The following C9orf153 variants were observed in gnomAD, a reference collection of about 807,000 sequenced individuals.
The protein encoded by C9orf153 is uncharacterized protein C9orf153.
C9orf153 carries 10 observed loss-of-function variants against 9.0 expected under a neutral mutation model. That is an observed-to-expected ratio of 1.11 (90% CI 0.69 to 1.89). C9orf153 has a LOEUF of 1.89. Among genes scored for constraint, C9orf153 ranks in the 40% most tolerant of loss-of-function variants. The pLI is 0.00. For synonymous variants in C9orf153, 35 were observed against 37.3 expected (o/e 0.94, Z 0.23); for missense variants, 108 against 111.0 (o/e 0.97, Z 0.12).
intron 1 of C9orf153, among the ~76,000 whole-genome samples, chr9:86,254,174 A>T (rs1363144774): frequency 6.6e-6 from 1 of 151,856 alleles, no homozygotes; most frequent in Non-Finnish European, 1.5e-5. Context: ...GAAATGGGGA[A>T]CTGCAGAGAG....
In C9orf153 at chr9:86,236,098, T is replaced by C. The variant is rs377239150; in HGVS notation, c.-26-6469A>G. On this transcript the variant is annotated intron_variant, in intron 1 of 3. Transcript: ENST00000339137. ...AAAGAAGCCACAGGAAGATTAAAAGTAATTATTTGCTATAAATAGCAAAGA... is the reference window on the plus strand; with the variant it reads ...AAAGAAGCCACAGGAAGATTAAAAGCAATTATTTGCTATAAATAGCAAAGA... Among the ~76,000 whole-genome samples the C allele has an allele frequency of 3.2e-4, 48 of 152,162 alleles. No homozygotes were observed. The East Asian group carries it at 6.4e-3, about 20-fold the overall frequency.
chr9:86,234,292 T>C (rs1476394524), intron 1 of C9orf153, among the ~76,000 whole-genome samples: 2 of 152,208 alleles, frequency 1.3e-5, no homozygotes, highest in African/African-American at 4.8e-5. Flanking sequence ...AATAAAAACA[T>C]AGTAGAACTG....
intron 1 of C9orf153, among the ~76,000 whole-genome samples, chr9:86,238,948 A>G (rs1319483914): frequency 1.5e-5 from 2 of 137,666 alleles, no homozygotes; most frequent in Non-Finnish European, 3.0e-5. Context: ...CTGTAATATA[A>G]TTCTATTTCT....
chr9:86,252,994 CT>C (rs35571795), intron 1 of C9orf153, among the ~76,000 whole-genome samples: 4,520 of 149,768 alleles, frequency 0.03, 96 homozygotes, highest in South Asian at 0.076. Flanking sequence ...GTTAAGAAAA[CT>C]TTTTTTTTTT....
chr9:86,233,177 A>T (rs762945040), intron 1 of C9orf153, among the ~76,000 whole-genome samples: 6 of 152,050 alleles, frequency 3.9e-5, no homozygotes, highest in Non-Finnish European at 8.8e-5. Context: ...TTTCTTTGCA[A>T]ATATGTAAAA....
chr9:86,255,632 G>T (rs1054541530), intron 1 of C9orf153, among the ~76,000 whole-genome samples: 1 of 152,136 alleles, frequency 6.6e-6, no homozygotes, highest in Non-Finnish European at 1.5e-5. Flanking sequence ...ACCATAACTT[G>T]TTTTGGGCCA....
At chr9:86,257,678 G>C (rs762837840) in intron 1 of C9orf153, among the ~76,000 whole-genome samples, 1 of 152,212 alleles carries the variant, frequency 6.6e-6, no homozygotes, top group East Asian at 1.9e-4. Flanking sequence ...TTAGTTGTCA[G>C]AGGGTGAATT....
At chr9:86,226,748 G>GTTTTT (rs201015759) in intron 3 of C9orf153, among the ~76,000 whole-genome samples, 1 of 151,396 alleles carries the variant, frequency 6.6e-6, no homozygotes, top group Non-Finnish European at 1.5e-5. Context: ...AAGTTTCATG[G>GTTTTT]TTTTTTGTTT....
chr9:86,221,925 G>A (rs1283760295), intron 3 of C9orf153, among the ~76,000 whole-genome samples, 192 bp from the exon 4 acceptor site: 4 of 151,818 alleles, frequency 2.6e-5, no homozygotes, highest in Non-Finnish European at 5.9e-5. Flanking sequence ...TGCTCTTGTT[G>A]CCCAGGCTGG....
At position 86,220,843 on chromosome 9, in the gene C9orf153, A is replaced by G. The variant is rs1470070855; in HGVS notation, c.*845T>C. 1 of 151,906 alleles carries G rather than the reference A, an allele frequency of 6.6e-6. No individual in the cohort carries two copies. The highest frequency in any genetic ancestry group is 2.4e-5 in the African/African-American group (1 of 41,334). 9.4% of individuals were successfully genotyped at this position (151,906 alleles called of 1,614,324 possible). Reference sequence around the variant, plus strand: ...TATACATTTCTGAACTTCTCATTCTACCGTCCAATACTCTTATTTTTCTGT... The same window carrying G: ...TATACATTTCTGAACTTCTCATTCTGCCGTCCAATACTCTTATTTTTCTGT... On this transcript the variant is annotated 3_prime_UTR_variant, in exon 4 of 4. Transcript: ENST00000339137.
chr9:86,243,466 CTTCT>C, intron 1 of C9orf153, among the ~76,000 whole-genome samples: 1 of 124,530 alleles, frequency 8.0e-6, no homozygotes, highest in East Asian at 3.3e-4. Context: ...TTTTTCTTTT[CTTCT>C]TTTTTTTTTT....
intron 1 of C9orf153, among the ~76,000 whole-genome samples, chr9:86,247,042 A>G (rs1469470179): frequency 1.3e-5 from 2 of 152,224 alleles, no homozygotes; most frequent in Non-Finnish European, 2.9e-5. Flanking sequence ...GGGAAGCCAA[A>G]GGGCAAAGTT....
At chr9:86,227,339 A>G in intron 3 of C9orf153, 1 of 1,517,544 alleles carries the variant, frequency 6.6e-7, no homozygotes, top group Non-Finnish European at 8.8e-7. Flanking sequence ...TTATTTATTT[A>G]TTTATTTTTG....
At chr9:86,232,913 A>G (rs1035628495) in intron 1 of C9orf153, among the ~76,000 whole-genome samples, 1 of 151,742 alleles carries the variant, frequency 6.6e-6, no homozygotes, top group Non-Finnish European at 1.5e-5. Flanking sequence ...TTTTATTTTT[A>G]GTAGAGACAG....
chr9:86,239,105 C>CA (rs947632047), intron 1 of C9orf153, among the ~76,000 whole-genome samples: 15 of 151,846 alleles, frequency 9.9e-5, no homozygotes, highest in Admixed American at 2.6e-4. Context: ...ACTAAAAATA[C>CA]AAAAAATTAG....
At chr9:86,251,918 C>CACACACACACACACACACACAA (rs1255735998) in intron 1 of C9orf153, among the ~76,000 whole-genome samples, 1 of 150,144 alleles carries the variant, frequency 6.7e-6, no homozygotes, top group Non-Finnish European at 1.5e-5. Context: ...GTAAACTACA[C>CACACACACACACACACACACAA]ACACACACAC....
chr9:86,245,090 C>T (rs1357935896), intron 1 of C9orf153, among the ~76,000 whole-genome samples: 1 of 152,106 alleles, frequency 6.6e-6, no homozygotes, highest in Non-Finnish European at 1.5e-5. Flanking sequence ...CCACAACCAA[C>T]TAATTTTTGT....
chr9:86,241,115 C>A (rs1013603870), intron 1 of C9orf153, among the ~76,000 whole-genome samples: 1 of 152,160 alleles, frequency 6.6e-6, no homozygotes, highest in Non-Finnish European at 1.5e-5. Context: ...CTTATGGAGA[C>A]AGCCCCCTCT....
At chr9:86,246,802 C>T (rs931119317) in intron 1 of C9orf153, among the ~76,000 whole-genome samples, 13 of 152,328 alleles carry the variant, frequency 8.5e-5, no homozygotes, top group Middle Eastern at 3.4e-3. Context: ...CAGTCTACCC[C>T]ACTCTCAGTT....
Sources: gnomAD v4.1 joint callset for allele counts (sites outside exome capture counted in the v4.1 genomes callset) on GRCh38, gnomAD v4.1.1 for gene constraint, MANE v1.5 for transcripts, NCBI Gene and HGNC (gene_info 2026-07-23, HGNC 2026-07-21) for gene names.